PTPRN2: variants seen among roughly 807,000 people sequenced by gnomAD.
PTPRN2 encodes protein tyrosine phosphatase receptor type N2.
A neutral mutation model predicts 118.8 loss-of-function variants in PTPRN2; 74 were observed. That is an observed-to-expected ratio of 0.62 (90% CI 0.52 to 0.76). PTPRN2 has a LOEUF of 0.76. PTPRN2 is among the 30% of genes least tolerant of loss of function. The pLI is 0.00. For synonymous variants in PTPRN2, 641 were observed against 608.0 expected, an observed-to-expected ratio of 1.05 and a Z score of -0.80; for missense variants, 1,481 against 1,394.4, an observed-to-expected ratio of 1.06 and a Z score of -0.99.
intron 6 of PTPRN2, among the ~76,000 whole-genome samples, chr7:158,143,213 G>T (rs1006768539): frequency 2.0e-5 from 3 of 152,228 alleles, no homozygotes; most frequent in Non-Finnish European, 4.4e-5. Context: ...CAGGGATCGG[G>T]AGGAAGAGCT....
intron 12 of PTPRN2, chr7:157,863,360 G>A (rs933811841): frequency 6.6e-6 from 1 of 152,202 alleles, no homozygotes. Context: ...GCAGAGTGGA[G>A]ACGAGGTCTT....
intron 11 of PTPRN2, among the ~76,000 whole-genome samples, chr7:157,950,481 G>A (rs1161323949): frequency 2.6e-5 from 4 of 152,312 alleles, no homozygotes; most frequent in African/African-American, 9.6e-5. Flanking sequence ...TTGGTATTTG[G>A]GTGGGTCAAA....
At chr7:158,130,261 C>G (rs1818057866) in intron 9 of PTPRN2, among the ~76,000 whole-genome samples, 1 of 152,214 alleles carries the variant, frequency 6.6e-6, no homozygotes, top group Admixed American at 6.5e-5. Flanking sequence ...GCTCCCACCT[C>G]CAGTGCGAAT....
intron 11 of PTPRN2, among the ~76,000 whole-genome samples, chr7:157,979,871 C>A (rs565522201): frequency 8.5e-5 from 13 of 152,210 alleles, no homozygotes; most frequent in African/African-American, 2.7e-4. Context: ...GCCAACCATA[C>A]CCTCATGTGA....
intron 2 of PTPRN2, among the ~76,000 whole-genome samples, chr7:158,381,739 G>A (rs1417348517): frequency 6.6e-6 from 1 of 152,184 alleles, no homozygotes; most frequent in Admixed American, 6.5e-5. Flanking sequence ...ACATACCCGA[G>A]ACTGGGTAAT....
chr7:158,119,279 C>T (rs1470949956), intron 9 of PTPRN2, among the ~76,000 whole-genome samples: 1 of 152,182 alleles, frequency 6.6e-6, no homozygotes, highest in Non-Finnish European at 1.5e-5. Context: ...AGATGCTCAA[C>T]ATCACTAATC....
At chr7:158,484,254 C>T (rs1011576332) in intron 2 of PTPRN2, among the ~76,000 whole-genome samples, 10 of 152,228 alleles carry the variant, frequency 6.6e-5, no homozygotes, top group African/African-American at 2.2e-4. Context: ...GAACCTGCCC[C>T]TCTGCCATCA....
intron 3 of PTPRN2, among the ~76,000 whole-genome samples, chr7:158,260,048 T>C (rs781460763): frequency 2.2e-5 from 2 of 89,528 alleles, no homozygotes; most frequent in South Asian, 2.9e-4. Context: ...TGTGTGTACA[T>C]GTGTGTGCAT....
chr7:157,781,699 G>A (rs1803691281), intron 12 of PTPRN2, among the ~76,000 whole-genome samples: 1 of 152,178 alleles, frequency 6.6e-6, no homozygotes, highest in South Asian at 2.1e-4. Context: ...TTGCTTTCTT[G>A]CCCTCAGTCA....
At chr7:158,026,452 C>A (rs931856528) in intron 11 of PTPRN2, among the ~76,000 whole-genome samples, 4 of 152,174 alleles carry the variant, frequency 2.6e-5, no homozygotes, top group African/African-American at 9.7e-5. Flanking sequence ...GACAGCATGG[C>A]GTGGATTTTG....
At chr7:158,056,917 T>A (rs192706377) in intron 11 of PTPRN2, among the ~76,000 whole-genome samples, 1 of 152,276 alleles carries the variant, frequency 6.6e-6, no homozygotes, top group Admixed American at 6.5e-5. Context: ...GGACGCGTGC[T>A]CCACTCGTGG....
chr7:157,702,046 C>T (rs61386737), intron 12 of PTPRN2, among the ~76,000 whole-genome samples: 1 of 148,302 alleles, frequency 6.7e-6, no homozygotes, highest in African/African-American at 2.5e-5. Context: ...AAAGCCCGGT[C>T]GGTGCTGGTG....
chr7:157,568,769 TC>T, intron 21 of PTPRN2, 132 bp downstream of exon 21: 1 of 866,294 alleles, frequency 1.2e-6, no homozygotes, highest in Non-Finnish European at 1.9e-6. Context: ...CAAACCACCT[TC>T]CTACGGCCCA....
chr7:158,105,084 C>T (rs1474367124), intron 10 of PTPRN2, among the ~76,000 whole-genome samples: 1 of 151,404 alleles, frequency 6.6e-6, no homozygotes, highest in Non-Finnish European at 1.5e-5. Flanking sequence ...ATCCCAGCTC[C>T]ATCCTCAGCT....
At chr7:158,071,348 CGTGGTGGTGG>C (rs1811522200) in intron 11 of PTPRN2, among the ~76,000 whole-genome samples, 2 of 89,560 alleles carry the variant, frequency 2.2e-5, no homozygotes, top group Admixed American at 1.3e-4. Flanking sequence ...TGGAGGTGCT[CGTGGTGGTGG>C]AGGTGCTCAT....
intron 2 of PTPRN2, among the ~76,000 whole-genome samples, chr7:158,341,230 T>A (rs1310442882): frequency 6.7e-6 from 1 of 150,180 alleles, no homozygotes; most frequent in Non-Finnish European, 1.5e-5. Flanking sequence ...ACACCCACAC[T>A]CTCACCATAA....
intron 9 of PTPRN2, among the ~76,000 whole-genome samples, chr7:158,112,698 G>A (rs1437960586): frequency 1.3e-5 from 2 of 151,416 alleles, no homozygotes; most frequent in Admixed American, 6.6e-5. Flanking sequence ...GAGGGGCGAC[G>A]TGTCTGTCAG....
intron 11 of PTPRN2, among the ~76,000 whole-genome samples, chr7:158,043,627 G>A (rs2128891391): frequency 6.6e-6 from 1 of 152,362 alleles, no homozygotes; most frequent in Admixed American, 6.5e-5. Flanking sequence ...TGACCTCACT[G>A]CAAGGCCGTC....
intron 12 of PTPRN2, among the ~76,000 whole-genome samples, chr7:157,766,338 TCCATCCATCCATCATCCATCTAC>T (rs1802488773): frequency 7.1e-6 from 1 of 139,882 alleles, no homozygotes; most frequent in African/African-American, 2.8e-5. Flanking sequence ...CCTTCCTTCA[TCCATCCATCCATCATCCATCTAC>T]CCATCCATCA....
Sources: gnomAD v4.1 joint callset for allele counts (sites outside exome capture counted in the v4.1 genomes callset) on GRCh38, gnomAD v4.1.1 for gene constraint, MANE v1.5 for transcripts, NCBI Gene and HGNC (gene_info 2026-07-23, HGNC 2026-07-21) for gene names.